CCDC183: variants seen among roughly 807,000 people sequenced by gnomAD.
The protein encoded by CCDC183 is coiled-coil domain-containing protein 183.
A neutral mutation model predicts 65.2 loss-of-function variants in CCDC183; 63 were observed. The observed-to-expected ratio is 0.97, with a 90% CI of 0.79 to 1.19. The LOEUF (loss-of-function observed/expected upper bound fraction) is 1.19. Among genes scored for constraint, CCDC183 ranks in the 50% most tolerant of loss-of-function variants. The pLI is 0.00. For synonymous variants in CCDC183, 323 were observed against 276.5 expected, an observed-to-expected ratio of 1.17 and a Z score of -1.67; for missense variants, 769 against 689.3, an observed-to-expected ratio of 1.12 and a Z score of -1.30.
At chr9:136,797,648 C>T (rs1588328878) in intron 1 of CCDC183, among the ~76,000 whole-genome samples, 1 of 152,298 alleles carries the variant, frequency 6.6e-6, no homozygotes, top group South Asian at 2.1e-4. Context: ...CCGTGTTAGC[C>T]AGGATGGTCT....
chr9:136,806,466 T>C (rs1463038615), intron 10 of CCDC183, 38 bp from the exon 11 acceptor site: 1 of 1,611,928 alleles, frequency 6.2e-7, no homozygotes, highest in Non-Finnish European at 8.5e-7. Flanking sequence ...CTCTCGGGCC[T>C]GTGCCCCTCA....
chr9:136,799,032 TC>T, intron 1 of CCDC183, 69 bp from the exon 2 acceptor site: 1 of 1,595,764 alleles, frequency 6.3e-7, no homozygotes. Flanking sequence ...GATGCAAGCC[TC>T]CCCCAGGGGA....
At chr9:136,805,009 C>G in intron 8 of CCDC183, 193 bp downstream of exon 8, 1 of 611,912 alleles carries the variant, frequency 1.6e-6, no homozygotes, top group African/African-American at 1.8e-5. Context: ...GAGATGCTGG[C>G]CCCAGCACCC....
chr9:136,800,434 A>G lies in CCDC183; in HGVS notation c.484A>G (p.Ile162Val). 3 of 1,613,014 alleles carry G rather than the reference A, an allele frequency of 1.9e-6. No homozygotes were observed. The highest frequency in any genetic ancestry group is 2.5e-6 in the Non-Finnish European group (3 of 1,179,614). The change falls in exon 5 of 14, where the codon ATC (isoleucine) becomes GTC (valine). Residue 162 changes from isoleucine to valine, a missense_variant. Transcript: ENST00000338005. Reference sequence around the variant, plus strand: ...CAACATCGAGAAGACAATGATCAAGATCATCACCAGCCAGAACATCCACCT... The same window carrying G: ...CAACATCGAGAAGACAATGATCAAGGTCATCACCAGCCAGAACATCCACCT... ...ENNIEKTMIK[I>V]ITSQNIHLLY...
At position 136,799,805 on chromosome 9, in the gene CCDC183, G is replaced by A; in HGVS notation, c.270+15G>A. On this transcript the variant is annotated intron_variant, in intron 3 of 13. Coordinates refer to ENST00000338005, the MANE Select transcript of CCDC183 (RefSeq NM_001039374.5). ...GCACCATGGAGGTAACCAGGCAGGAGGGGCCTCGAGACCCAACCCTCCCCA... is the reference window on the plus strand; with the variant it reads ...GCACCATGGAGGTAACCAGGCAGGAAGGGCCTCGAGACCCAACCCTCCCCA... 6.2e-7 allele frequency: 1 copy of A among 1,610,138 alleles called. No homozygotes were observed. The highest frequency in any genetic ancestry group is 8.5e-7 in the Non-Finnish European group (1 of 1,177,922).
At chr9:136,799,064 C>T in intron 1 of CCDC183, 38 bp from the exon 2 acceptor site, 1 of 1,610,698 alleles carries the variant, frequency 6.2e-7, no homozygotes, top group African/African-American at 1.3e-5. Flanking sequence ...GGCCCTTGGC[C>T]CAATCCTAGC....
intron 10 of CCDC183, 44 bp downstream of exon 10, chr9:136,806,282 A>T: frequency 6.4e-7 from 1 of 1,554,238 alleles, no homozygotes; most frequent in Non-Finnish European, 8.7e-7. Context: ...CCCCAGTCTC[A>T]CAAAGGCCCC....
At chr9:136,799,404 G>A in intron 2 of CCDC183, 181 bp downstream of exon 2, 1 of 1,086,694 alleles carries the variant, frequency 9.2e-7, no homozygotes, top group Non-Finnish European at 1.3e-6. Context: ...AGCATCCGGT[G>A]GGCAGGTTTC....
At chr9:136,807,440 C>A in intron 13 of CCDC183, 132 bp from the exon 14 acceptor site, 1 of 1,198,482 alleles carries the variant, frequency 8.3e-7, no homozygotes, top group Non-Finnish European at 1.1e-6. Flanking sequence ...GCTGAGTCCT[C>A]CCGGCACGCT....
chr9:136,800,469 G>A lies in CCDC183; in HGVS notation c.519G>A (p.Leu173=). 1.2e-6 allele frequency: 2 copies of A among 1,611,892 alleles called. No homozygotes were observed. Among genetic ancestry groups the A allele is most frequent in the Non-Finnish European group, 1.7e-6 (2 of 1,178,810 alleles). The change falls in exon 5 of 14, where the codon TTG becomes TTA. Residue 173 remains leucine (L), a synonymous_variant. Transcript: ENST00000338005. Reference sequence around the variant, plus strand: ...GCCAGAACATCCACCTGCTGTATTTGGACCTGCTGGATTATCTGAAGACAG... The same window carrying A: ...GCCAGAACATCCACCTGCTGTATTTAGACCTGCTGGATTATCTGAAGACAG... ...ITSQNIHLLY[L]DLLDYLKTVL... is the part of the protein sequence containing the mutation.
Position 136,799,554 on chromosome 9 carries a change from C to T in CCDC183, c.193-159C>T. On this transcript the variant is annotated intron_variant, in intron 2 of 13. Coordinates refer to ENST00000338005, the MANE Select transcript of CCDC183 (RefSeq NM_001039374.5). ...CCACGTCGCCTCCGAACTTGGATGGCCAGGATGGGGTCCCGCGGCTCTCTG... is the reference window on the plus strand; with the variant it reads ...CCACGTCGCCTCCGAACTTGGATGGTCAGGATGGGGTCCCGCGGCTCTCTG... The T allele has an allele frequency of 5.6e-6, 4 of 719,180 alleles. No individual in the cohort carries two copies. The Admixed American group carries it at 1.0e-4, about 18-fold the overall frequency. 44.5% of individuals were successfully genotyped at this position (719,180 alleles called of 1,614,324 possible).
rs750019473 is a variant in CCDC183 at position 136,807,579 on chromosome 9, C to T, written c.1494C>T (p.Phe498=). The change falls in exon 14 of 14, where the codon TTC becomes TTT. Residue 498 remains phenylalanine (F), a synonymous_variant. Coordinates refer to ENST00000338005, the MANE Select transcript of CCDC183 (RefSeq NM_001039374.5). The part of the protein sequence containing the change: ...ENREEDMIDT[F]QFPDMDHSYV... ...CGCCGCCTCCGCCCGCAGACACCTT[C>T]CAGTTCCCCGACATGGACCACAGCT... is the stretch of plus-strand genomic sequence containing the variant. 41 of 1,603,928 alleles carry T rather than the reference C, an allele frequency of 2.6e-5. No homozygotes were observed. The highest frequency in any genetic ancestry group is 3.5e-5 in the Non-Finnish European group (41 of 1,176,040).
Position 136,804,158 on chromosome 9 carries a change from G to T in CCDC183, c.667-344G>T. The stretch of plus-strand genomic sequence containing the variant: ...GACGGTTTTAGCTGCCCAAGGGCAC[G>T]CTGGAAGAGGCCAGGTTTTGGGGAA... On this transcript the variant is annotated intron_variant, in intron 6 of 13. Transcript: ENST00000338005. This position sits in a 1 kb window ranked among gnomAD's most constrained non-coding sequence, Gnocchi z 4.1. The T allele has an allele frequency of 3.6e-6, 1 of 276,518 alleles. No individual in the cohort carries two copies. The highest frequency in any genetic ancestry group is 7.1e-6 in the Non-Finnish European group (1 of 140,344). 17.1% of individuals were successfully genotyped at this position (276,518 alleles called of 1,614,324 possible).
In CCDC183 at chr9:136,804,313, T is replaced by G; in HGVS notation, c.667-189T>G. The G allele has an allele frequency of 1.4e-6, 1 of 721,530 alleles. No individual in the cohort carries two copies. The highest frequency in any genetic ancestry group is 2.2e-6 in the Non-Finnish European group (1 of 457,234). The allele number at this position is 721,530 out of a possible 1,614,324, so 44.7% of individuals were successfully genotyped here. ...CTGGGCTGGCACATGCTCTGAGGCA[T>G]GGGCAAGGAGGGCCGTGAGCTGAGG... On this transcript the variant is annotated intron_variant, in intron 6 of 13. Coordinates refer to ENST00000338005, the MANE Select transcript of CCDC183 (RefSeq NM_001039374.5). This position sits in a 1 kb window ranked among gnomAD's most constrained non-coding sequence, Gnocchi z 4.1.
chr9:136,805,555 T>G (rs1588336064), intron 9 of CCDC183, 98 bp downstream of exon 9: 1 of 1,127,698 alleles, frequency 8.9e-7, no homozygotes, highest in Non-Finnish European at 1.3e-6. Flanking sequence ...GGCAGGAGGG[T>G]GGCTGAGCTG....
rs964397764 is a variant in CCDC183, at chr9:136,804,831, C to A, written c.847+15C>A. 2 of 1,611,320 alleles carry A rather than the reference C, an allele frequency of 1.2e-6. No individual in the cohort carries two copies. Among genetic ancestry groups the A allele is most frequent in the African/African-American group, 2.7e-5 (2 of 74,964 alleles). On this transcript the variant is annotated intron_variant, in intron 8 of 13. Transcript: ENST00000338005. This position sits in a 1 kb window ranked among gnomAD's most constrained non-coding sequence, Gnocchi z 4.1. Reference sequence around the variant, plus strand: ...GACCCTGAAATGTAAGCGCTCAGCTCCCCACCTGCCCCCAGCCAGGGTCCC... The same window carrying A: ...GACCCTGAAATGTAAGCGCTCAGCTACCCACCTGCCCCCAGCCAGGGTCCC...
chr9:136,807,186 C>A, intron 13 of CCDC183, 120 bp downstream of exon 13: 1 of 866,426 alleles, frequency 1.2e-6, no homozygotes, highest in Non-Finnish European at 1.8e-6. Context: ...CAGGGTGCAT[C>A]AGTTGTACCT....
intron 3 of CCDC183, 97 bp from the exon 4 acceptor site, chr9:136,799,905 T>C (rs1026231449): frequency 1.3e-6 from 2 of 1,489,628 alleles, no homozygotes; most frequent in Admixed American, 2.0e-5. Context: ...CCAGGTTCCC[T>C]GTGGGGTTGC....
In CCDC183 at chr9:136,806,060, C is replaced by A; in HGVS notation, c.949-18C>A. The A allele has an allele frequency of 6.5e-7, 1 of 1,545,102 alleles. No homozygotes were observed. The highest frequency in any genetic ancestry group is 2.0e-5 in the Admixed American group (1 of 50,480). On this transcript the variant is annotated intron_variant, in intron 9 of 13. Coordinates refer to ENST00000338005, the MANE Select transcript of CCDC183 (RefSeq NM_001039374.5). The stretch of plus-strand genomic sequence containing the variant: ...CATCCTGGCCCACACCTGCTTCTCT[C>A]TCCCCCGGACTGGCCAGGACATCAC...
Sources: gnomAD v4.1 joint callset for allele counts (sites outside exome capture counted in the v4.1 genomes callset) on GRCh38, gnomAD v4.1.1 for gene constraint, Gnocchi (gnomAD v3.1) non-coding constraint, MANE v1.5 for transcripts, NCBI Gene and HGNC (gene_info 2026-07-23, HGNC 2026-07-21) for gene names.